The following GABBR2 variants were observed in gnomAD, a reference collection of about 807,000 sequenced individuals.
GABBR2 encodes G-protein coupled receptor 51.
Under a neutral mutation model 105.6 loss-of-function variants are expected in GABBR2, and 23 were observed. The observed-to-expected ratio is 0.22, with a 90% CI of 0.16 to 0.31. GABBR2 has a LOEUF of 0.31. Ranked by LOEUF, GABBR2 falls within the 10% of genes least tolerant of loss-of-function variation. GABBR2 has a pLI of 1.00. For synonymous variants in GABBR2, 478 were observed against 499.7 expected (o/e 0.96, Z 0.58); for missense variants, 734 against 1,245.5 (o/e 0.59, Z 6.18).
intron 13 of GABBR2, among the ~76,000 whole-genome samples, chr9:98,312,616 TTGATAATTCTTACC>T (rs1185178639): frequency 2.0e-5 from 3 of 152,266 alleles, no homozygotes; most frequent in Non-Finnish European, 4.4e-5. Context: ...TCAGCAACCA[TTGATAATTCTTACC>T]TGAGTCATTT....
chr9:98,708,056 C>A (rs1830923777), intron 1 of GABBR2, among the ~76,000 whole-genome samples: 1 of 152,236 alleles, frequency 6.6e-6, no homozygotes, highest in African/African-American at 2.4e-5. Context: ...ACCTCGCAGC[C>A]CCATGAGCGG....
chr9:98,465,186 C>T (rs1295729877), intron 6 of GABBR2, among the ~76,000 whole-genome samples: 3 of 98,124 alleles, frequency 3.1e-5, no homozygotes, highest in Admixed American at 3.0e-4. Context: ...AATAAACAAT[C>T]AATACGTGAT....
In GABBR2 at chr9:98,514,958, G is replaced by A. The variant is rs539481184; in HGVS notation, c.631-18444C>T. 2.8e-4 allele frequency among the ~76,000 whole-genome samples: 42 copies of A among 152,230 alleles called. No homozygotes were observed. In the South Asian group the frequency reaches 8.3e-3, roughly 30 times the overall value. ...TGAAGAACTGCCACCAAACCCAGGG[G>A]ACTGGCGTGGCACCTGGGCCTCAGG... On this transcript the variant is annotated intron_variant, in intron 3 of 18. Coordinates refer to ENST00000259455, the MANE Select transcript of GABBR2 (RefSeq NM_005458.8).
intron 9 of GABBR2, 135 bp downstream of exon 9, chr9:98,394,040 T>C (rs1832242533): frequency 3.1e-6 from 2 of 651,154 alleles, no homozygotes; most frequent in Admixed American, 2.5e-5. Flanking sequence ...GCTCAACGAT[T>C]GAGTGCATGT....
intron 3 of GABBR2, among the ~76,000 whole-genome samples, chr9:98,513,222 G>T (rs1396417960): frequency 6.6e-6 from 1 of 150,978 alleles, no homozygotes; most frequent in African/African-American, 2.4e-5. Context: ...GCTGAAACTG[G>T]ATCCCTTCCT....
At chr9:98,382,132 G>A (rs1236307014) in intron 11 of GABBR2, among the ~76,000 whole-genome samples, 1 of 152,056 alleles carries the variant, frequency 6.6e-6, no homozygotes, top group Non-Finnish European at 1.5e-5. Flanking sequence ...CAGGACACCT[G>A]AGGCATTCCC....
intron 1 of GABBR2, among the ~76,000 whole-genome samples, chr9:98,671,399 T>C (rs1490910840): frequency 6.6e-6 from 1 of 152,252 alleles, no homozygotes; most frequent in East Asian, 1.9e-4. Flanking sequence ...CATTCGTCAG[T>C]TGATGGACAT....
chr9:98,510,166 A>G (rs1827607069), intron 3 of GABBR2, among the ~76,000 whole-genome samples: 1 of 152,240 alleles, frequency 6.6e-6, no homozygotes, highest in South Asian at 2.1e-4. Flanking sequence ...TATCCAGCCA[A>G]ACTAAGCTTC....
At chr9:98,543,506 A>G (rs1473840213) in intron 2 of GABBR2, among the ~76,000 whole-genome samples, 1 of 152,132 alleles carries the variant, frequency 6.6e-6, no homozygotes, top group Non-Finnish European at 1.5e-5. Context: ...AGCTGGGACT[A>G]TAGGTGTATG....
In GABBR2 at chr9:98,393,723, T is replaced by C. The variant is rs185969068; in HGVS notation, c.1378+452A>G. The stretch of plus-strand genomic sequence containing the variant: ...AAAGAGAAGGGAGTCATTAGCTCAG[T>C]TGGATGGCAATTAAGGAAGATCGCA... On this transcript the variant is annotated intron_variant, in intron 9 of 18. Transcript: ENST00000259455. 2.2e-4 allele frequency among the ~76,000 whole-genome samples: 34 copies of C among 152,266 alleles called. No individual in the cohort carries two copies. The East Asian group carries it at 6.0e-3, about 27-fold the overall frequency.
intron 3 of GABBR2, among the ~76,000 whole-genome samples, chr9:98,517,397 C>T (rs1388015187): frequency 1.3e-5 from 2 of 152,154 alleles, no homozygotes; most frequent in East Asian, 3.9e-4. Flanking sequence ...GCGAAACTGA[C>T]CTTGAACAGG....
In GABBR2 at chr9:98,376,185, A is replaced by G. The variant is rs371615543; in HGVS notation, c.1663-4614T>C. Among the ~76,000 whole-genome samples, 3 of 152,378 alleles carry G rather than the reference A, an allele frequency of 2.0e-5. No homozygotes were observed. The South Asian group carries it at 6.2e-4, about 32-fold the overall frequency. On this transcript the variant is annotated intron_variant, in intron 11 of 18. Transcript: ENST00000259455. ...CAAATGGAAGGAAAAATCTATGCCC[A>G]GAACAATTCTGCTCAGCCGCTTGCT...
At chr9:98,396,850 A>G (rs1220896599) in intron 8 of GABBR2, among the ~76,000 whole-genome samples, 3 of 152,096 alleles carry the variant, frequency 2.0e-5, no homozygotes, top group African/African-American at 7.2e-5. Flanking sequence ...GCACCGTCCC[A>G]TGGCACTGAA....
At chr9:98,670,986 T>C (rs1930136) in intron 1 of GABBR2, among the ~76,000 whole-genome samples, 124,128 of 152,132 alleles carry the variant, frequency 0.82, 50,741 homozygotes, top group Middle Eastern at 0.91. Flanking sequence ...AGAAGGTAAG[T>C]TTGATGTTAT....
At chr9:98,519,993 G>C (rs1474337354) in intron 3 of GABBR2, among the ~76,000 whole-genome samples, 1 of 152,200 alleles carries the variant, frequency 6.6e-6, no homozygotes, top group Non-Finnish European at 1.5e-5. Context: ...ATGAACTCGA[G>C]TCAGGTGACT....
At chr9:98,553,687 A>T (rs1372402337) in intron 2 of GABBR2, among the ~76,000 whole-genome samples, 18 of 152,222 alleles carry the variant, frequency 1.2e-4, no homozygotes, top group Admixed American at 1.2e-3. Flanking sequence ...TGGAGCAAGC[A>T]CTGCATGAAG....
intron 7 of GABBR2, among the ~76,000 whole-genome samples, chr9:98,431,158 T>C (rs1588156964): frequency 6.6e-6 from 1 of 151,990 alleles, no homozygotes; most frequent in Admixed American, 6.6e-5. Context: ...AATGTTACCT[T>C]CCCAATGTGG....
intron 13 of GABBR2, among the ~76,000 whole-genome samples, chr9:98,346,484 C>A (rs1412321595): frequency 6.6e-6 from 1 of 152,154 alleles, no homozygotes; most frequent in Non-Finnish European, 1.5e-5. Flanking sequence ...GGGATACAGA[C>A]TATTTTGGTG....
intron 13 of GABBR2, among the ~76,000 whole-genome samples, chr9:98,334,266 T>C (rs1247500452): frequency 6.6e-6 from 1 of 152,198 alleles, no homozygotes; most frequent in Non-Finnish European, 1.5e-5. Flanking sequence ...TATGCACAAT[T>C]GGAAGCTAAT....
Sources: allele counts gnomAD v4.1 joint callset (sites outside exome capture counted in the v4.1 genomes callset), GRCh38; gene constraint gnomAD v4.1.1; transcripts MANE v1.5; gene names NCBI Gene and HGNC (gene_info 2026-07-23, HGNC 2026-07-21).